Variants in PCDH15 observed in about 807,000 individuals in gnomAD.
PCDH15 encodes the protein protocadherin related 15.
PCDH15 carries 129 observed loss-of-function variants against 178.5 expected under a neutral mutation model. That is an observed-to-expected ratio of 0.72 (90% CI 0.63 to 0.84). The LOEUF (loss-of-function observed/expected upper bound fraction) is 0.84. Ranked by LOEUF, PCDH15 falls within the 40% of genes least tolerant of loss-of-function variation. The pLI is 0.00. For synonymous variants in PCDH15, 800 were observed against 732.0 expected (o/e 1.09, Z -1.50); for missense variants, 2,230 against 2,099.9 (o/e 1.06, Z -1.21).
At chr10:54,546,794 A>G (rs1226689923) in intron 2 of PCDH15, among the ~76,000 whole-genome samples, 4 of 152,310 alleles carry the variant, frequency 2.6e-5, no homozygotes, top group African/African-American at 7.2e-5. Context: ...CATCTGATAC[A>G]TGAAGAGCAA....
intron 2 of PCDH15, among the ~76,000 whole-genome samples, chr10:55,488,825 G>A (rs1486396230): frequency 6.6e-5 from 10 of 151,440 alleles, no homozygotes; most frequent in Non-Finnish European, 8.9e-5. Flanking sequence ...ATACTGGTGA[G>A]CATTTACAGC....
At chr10:54,971,382 C>G (rs2131894109) in intron 2 of PCDH15, among the ~76,000 whole-genome samples, 1 of 152,144 alleles carries the variant, frequency 6.6e-6, no homozygotes, top group African/African-American at 2.4e-5. Context: ...CCTGCAGGGA[C>G]ATGTCAAAAA....
chr10:54,917,033 A>T (rs1837354430), intron 2 of PCDH15, among the ~76,000 whole-genome samples: 1 of 152,212 alleles, frequency 6.6e-6, no homozygotes, highest in Non-Finnish European at 1.5e-5. Flanking sequence ...AGGAAATTAG[A>T]AATTTAGAAG....
At chr10:54,866,947 AAC>A (rs1304980408) in intron 3 of PCDH15, among the ~76,000 whole-genome samples, 1 of 152,236 alleles carries the variant, frequency 6.6e-6, no homozygotes, top group African/African-American at 2.4e-5. Flanking sequence ...ATGAGAAATG[AAC>A]ACAGTGTCAT....
At chr10:54,963,345 T>C (rs961914964) in intron 2 of PCDH15, among the ~76,000 whole-genome samples, 407 of 152,284 alleles carry the variant, frequency 2.7e-3, no homozygotes, top group African/African-American at 9.4e-3. Context: ...GTTTTTTTTT[T>C]TTTACTATTT....
At chr10:55,076,764 C>CTTT (rs902966495) in intron 2 of PCDH15, among the ~76,000 whole-genome samples, 66 of 106,766 alleles carry the variant, frequency 6.2e-4, no homozygotes, top group African/African-American at 1.2e-3. Context: ...GGCCTGTGAC[C>CTTT]TTTTTTTTTT....
intron 25 of PCDH15, among the ~76,000 whole-genome samples, chr10:53,912,753 C>G (rs2083204737): frequency 6.6e-6 from 1 of 152,128 alleles, no homozygotes; most frequent in Non-Finnish European, 1.5e-5. Context: ...AGGACCTCTT[C>G]AAGGAGAACT....
chr10:54,392,741 A>C (rs1950712375), intron 3 of PCDH15, among the ~76,000 whole-genome samples: 2 of 151,692 alleles, frequency 1.3e-5, no homozygotes, highest in Non-Finnish European at 1.5e-5. Flanking sequence ...TCTACTAAAA[A>C]TACAAAAATT....
chr10:54,614,433 C>T (rs981643948), intron 2 of PCDH15, among the ~76,000 whole-genome samples: 2 of 151,938 alleles, frequency 1.3e-5, no homozygotes, highest in Non-Finnish European at 2.9e-5. Flanking sequence ...GGCAATATTG[C>T]TCATTAAAGG....
intron 2 of PCDH15, among the ~76,000 whole-genome samples, chr10:55,447,966 G>T (rs2132077477): frequency 6.6e-6 from 1 of 152,072 alleles, no homozygotes; most frequent in South Asian, 2.1e-4. Context: ...CCAAGGAAGA[G>T]CTAGGATAAA....
chr10:55,365,104 G>C (rs1277703230), intron 2 of PCDH15, among the ~76,000 whole-genome samples: 1 of 151,806 alleles, frequency 6.6e-6, no homozygotes, highest in Admixed American at 6.6e-5. Context: ...TTTCTTCTCA[G>C]GTTTGACATC....
chr10:55,123,669 A>T (rs1181740598), intron 2 of PCDH15, among the ~76,000 whole-genome samples: 3 of 152,172 alleles, frequency 2.0e-5, no homozygotes, highest in Non-Finnish European at 2.9e-5. Flanking sequence ...TCAAAGGTGC[A>T]TTATTTAATT....
At chr10:54,224,572 T>G (rs1004162437) in intron 9 of PCDH15, among the ~76,000 whole-genome samples, 11 of 152,280 alleles carry the variant, frequency 7.2e-5, no homozygotes, top group Middle Eastern at 3.4e-3. Flanking sequence ...ATTATATTAA[T>G]ATTCCATTCC....
intron 26 of PCDH15, among the ~76,000 whole-genome samples, chr10:53,871,569 A>AT (rs1481953679): frequency 6.6e-6 from 1 of 151,586 alleles, no homozygotes; most frequent in Non-Finnish European, 1.5e-5. Flanking sequence ...AAGGTTTAAC[A>AT]TTTTTTCATA....
chr10:53,838,826 T>G (rs1201858477), intron 29 of PCDH15, among the ~76,000 whole-genome samples: 3 of 152,136 alleles, frequency 2.0e-5, no homozygotes, highest in African/African-American at 7.2e-5. Context: ...GACTATAAAA[T>G]CAGAGTGCGA....
chr10:55,471,711 CTG>C (rs1839959021), intron 2 of PCDH15, among the ~76,000 whole-genome samples: 1 of 152,154 alleles, frequency 6.6e-6, no homozygotes, highest in Admixed American at 6.5e-5. Context: ...AATTGAATAA[CTG>C]AATATTATAG....
chr10:54,658,517 A>G (rs2094444046), intron 2 of PCDH15, among the ~76,000 whole-genome samples: 1 of 152,188 alleles, frequency 6.6e-6, no homozygotes, highest in Admixed American at 6.5e-5. Flanking sequence ...AATGGCATCC[A>G]AAATTTTTAT....
intron 3 of PCDH15, among the ~76,000 whole-genome samples, chr10:54,474,187 T>C (rs992793541): frequency 6.6e-6 from 1 of 151,934 alleles, no homozygotes; most frequent in African/African-American, 2.4e-5. Flanking sequence ...TCCATCACAA[T>C]AGTATCCTAA....
intron 1 of PCDH15, among the ~76,000 whole-genome samples, chr10:54,736,656 T>C (rs1188536725): frequency 6.6e-6 from 1 of 152,110 alleles, no homozygotes; most frequent in Non-Finnish European, 1.5e-5. Context: ...TATTAGATGG[T>C]ACTTCATAGT....
Sources: gnomAD v4.1 joint callset for allele counts (sites outside exome capture counted in the v4.1 genomes callset) on GRCh38, gnomAD v4.1.1 for gene constraint, MANE v1.5 for transcripts, NCBI Gene and HGNC (gene_info 2026-07-23, HGNC 2026-07-21) for gene names.